Variants in PTK2 observed in about 807,000 individuals in gnomAD.
PTK2 encodes focal adhesion kinase 1.
In PTK2, 45 loss-of-function variants were observed where a neutral mutation model predicts 150.1. That is an observed-to-expected ratio of 0.30 (90% CI 0.24 to 0.38). The LOEUF is 0.38. Ranked by LOEUF, PTK2 falls within the 10% of genes least tolerant of loss-of-function variation. The probability of loss-of-function intolerance (pLI) is 1.00; values close to 1 mark genes in which losing one functional copy is unlikely to be tolerated. For missense variants in PTK2, 919 were observed against 1,307.3 expected, an observed-to-expected ratio of 0.70 and a Z score of 4.58; for synonymous variants, 432 against 449.2, an observed-to-expected ratio of 0.96 and a Z score of 0.48.
At chr8:140,986,284 C>G (rs1274480540) in intron 1 of PTK2, among the ~76,000 whole-genome samples, 1 of 152,180 alleles carries the variant, frequency 6.6e-6, no homozygotes, top group Non-Finnish European at 1.5e-5. Flanking sequence ...TATCAAACAT[C>G]AGGTTCAGGT....
chr8:140,730,964 C>CG (rs1404937268), intron 22 of PTK2, among the ~76,000 whole-genome samples: 35 of 137,992 alleles, frequency 2.5e-4, no homozygotes, highest in African/African-American at 3.5e-4. Flanking sequence ...CCCCCCCCCC[C>CG]CTTTTTTTTT....
At chr8:140,783,863 A>G (rs1416603173) in intron 14 of PTK2, among the ~76,000 whole-genome samples, 1 of 152,238 alleles carries the variant, frequency 6.6e-6, no homozygotes, top group Non-Finnish European at 1.5e-5. Context: ...AAATACTGAA[A>G]AAGTATCACA....
chr8:140,816,957 A>C (rs1360773549), intron 10 of PTK2, among the ~76,000 whole-genome samples: 2 of 152,240 alleles, frequency 1.3e-5, no homozygotes, highest in South Asian at 4.1e-4. Flanking sequence ...TCTCTTCCAC[A>C]AGGAGAAAAA....
At chr8:140,901,935 G>C (rs554031376) in intron 2 of PTK2, among the ~76,000 whole-genome samples, 1 of 152,120 alleles carries the variant, frequency 6.6e-6, no homozygotes, top group South Asian at 2.1e-4. Flanking sequence ...GTGTTAGTTT[G>C]CCAAGAATGA....
chr8:140,717,816 A>G lies in PTK2; in HGVS notation c.2031-107T>C, dbSNP rs2100040647. ...AACACCAGTTGGCTAACAGTAGATGATAACAATAAAGGATCCTATACACAG... is the reference window on the plus strand; with the variant it reads ...AACACCAGTTGGCTAACAGTAGATGGTAACAATAAAGGATCCTATACACAG... On this transcript the variant is annotated intron_variant, in intron 22 of 31. Coordinates refer to ENST00000522684, the Ensembl canonical transcript of PTK2. 5 of 822,904 alleles carry G rather than the reference A, an allele frequency of 6.1e-6. No individual in the cohort carries two copies. The East Asian group carries it at 7.4e-5, about 12-fold the overall frequency. 51.0% of individuals were successfully genotyped at this position (822,904 alleles called of 1,614,324 possible).
exon 22 of PTK2, chr8:140,735,390 C>G (rs758344271): frequency 6.2e-7 from 1 of 1,614,126 alleles, no homozygotes; most frequent in Non-Finnish European, 8.5e-7. Flanking sequence ...CGACCGATTA[C>G]ATCATTGTTC....
intron 21 of PTK2, among the ~76,000 whole-genome samples, chr8:140,736,936 C>A (rs1025846429): frequency 6.6e-6 from 1 of 152,144 alleles, no homozygotes; most frequent in Non-Finnish European, 1.5e-5. Flanking sequence ...AGAAGCAAAG[C>A]ATATTATCAT....
At chr8:140,826,681 G>A (rs1027579054) in intron 8 of PTK2, among the ~76,000 whole-genome samples, 6 of 152,040 alleles carry the variant, frequency 3.9e-5, no homozygotes, top group South Asian at 2.1e-4. Context: ...TTTGGGAGGC[G>A]GAGGCGGGTG....
At chr8:140,949,439 G>T (rs548359588) in intron 1 of PTK2, among the ~76,000 whole-genome samples, 141 of 152,290 alleles carry the variant, frequency 9.3e-4, no homozygotes, top group African/African-American at 3.3e-3. Flanking sequence ...TCCTAGCCTC[G>T]GCTCCGGAGC....
At chr8:140,849,101 G>C (rs2154604531) in intron 5 of PTK2, among the ~76,000 whole-genome samples, 1 of 152,316 alleles carries the variant, frequency 6.6e-6, no homozygotes, top group Non-Finnish European at 1.5e-5. Context: ...AGTTCTGAGA[G>C]TTGTTTTTCC....
At chr8:140,999,940 A>G (rs1171386973) in intron 1 of PTK2, among the ~76,000 whole-genome samples, 2 of 151,446 alleles carry the variant, frequency 1.3e-5, no homozygotes, top group Non-Finnish European at 2.9e-5. Context: ...CAATATTACT[A>G]TTATCTTAGT....
chr8:140,688,836 A>G (rs999274599), intron 26 of PTK2, among the ~76,000 whole-genome samples: 1 of 152,242 alleles, frequency 6.6e-6, no homozygotes, highest in Non-Finnish European at 1.5e-5. Context: ...TCAAGGAACA[A>G]TAATTTAAAA....
intron 5 of PTK2, among the ~76,000 whole-genome samples, chr8:140,848,220 C>G (rs10098086): frequency 0.99 from 151,354 of 152,350 alleles, 75,191 homozygotes; most frequent in Middle Eastern, 1. Context: ...GAAGATAAAA[C>G]ACATCAGATG....
At chr8:140,725,240 C>T (rs1364708333) in intron 22 of PTK2, among the ~76,000 whole-genome samples, 1 of 151,388 alleles carries the variant, frequency 6.6e-6, no homozygotes, top group Non-Finnish European at 1.5e-5. Context: ...CTCATGTGAT[C>T]CTCCCATCTC....
chr8:140,838,954 C>T (rs1181824147), intron 7 of PTK2, among the ~76,000 whole-genome samples: 1 of 150,096 alleles, frequency 6.7e-6, no homozygotes, highest in Non-Finnish European at 1.5e-5. Flanking sequence ...TGCAGTGAGC[C>T]GAGATCGCGC....
At chr8:140,706,297 C>A in intron 23 of PTK2, 92 bp from the exon 27 acceptor site, 2 of 907,806 alleles carry the variant, frequency 2.2e-6, no homozygotes, top group Non-Finnish European at 1.8e-6. Context: ...CCTAATAGAG[C>A]TTACTTGAAA....
chr8:140,774,548 C>T (rs968254950), intron 14 of PTK2, among the ~76,000 whole-genome samples: 1 of 152,076 alleles, frequency 6.6e-6, no homozygotes, highest in Non-Finnish European at 1.5e-5. Context: ...AGGCATCCGA[C>T]CCAGAACAAC....
intron 9 of PTK2, 83 bp downstream of exon 9, chr8:140,818,797 T>C: frequency 7.0e-7 from 1 of 1,429,160 alleles, no homozygotes; most frequent in African/African-American, 1.5e-5. Context: ...TAGCATTTTT[T>C]CATCAGAAAT....
intron 26 of PTK2, among the ~76,000 whole-genome samples, chr8:140,688,930 A>G (rs528998070): frequency 9.8e-5 from 15 of 152,356 alleles, no homozygotes; most frequent in South Asian, 4.1e-4. Flanking sequence ...GTTGGCGACT[A>G]TGGCAGAAAG....
Sources: gnomAD v4.1 joint callset for allele counts (sites outside exome capture counted in the v4.1 genomes callset) on GRCh38, gnomAD v4.1.1 for gene constraint, MANE v1.5 for transcripts, NCBI Gene and HGNC (gene_info 2026-07-23, HGNC 2026-07-21) for gene names.